Variants in DPP6 observed in about 807,000 individuals in gnomAD.
The protein encoded by DPP6 is A-type potassium channel modulatory protein DPP6.
Under a neutral mutation model 122.6 loss-of-function variants are expected in DPP6, and 69 were observed. That is an observed-to-expected ratio of 0.56 (90% CI 0.46 to 0.69). DPP6 has a LOEUF of 0.69. DPP6 is among the 30% of genes least tolerant of loss of function. The pLI, the probability that DPP6 is intolerant of heterozygous loss-of-function variation, is 0.00. For missense variants in DPP6, 928 were observed against 1,116.9 expected (o/e 0.83, Z 2.41); for synonymous variants, 418 against 433.1 (o/e 0.97, Z 0.43).
intron 5 of DPP6, among the ~76,000 whole-genome samples, chr7:154,567,590 A>C (rs753099385): frequency 6.6e-6 from 1 of 152,174 alleles, no homozygotes; most frequent in Non-Finnish European, 1.5e-5. Context: ...AGTGGAGAGG[A>C]TGTTCAGTTT....
chr7:154,664,240 C>T (rs1201131629), intron 6 of DPP6, among the ~76,000 whole-genome samples: 12 of 145,312 alleles, frequency 8.3e-5, no homozygotes, highest in African/African-American at 2.6e-4. Context: ...CTAGTGTTCA[C>T]GCGATCATGG....
the DPP6 span, among the ~76,000 whole-genome samples, chr7:153,808,165 C>G: frequency 2.0e-5 from 3 of 152,058 alleles, no homozygotes; most frequent in African/African-American, 7.3e-5. Context: ...AGGGACATAC[C>G]CATCCTAACC....
At chr7:154,079,067 G>C (rs574394421) in intron 1 of DPP6, among the ~76,000 whole-genome samples, 1 of 152,018 alleles carries the variant, frequency 6.6e-6, no homozygotes, top group African/African-American at 2.4e-5. Flanking sequence ...GACCATCCTG[G>C]CCAACATGGT....
At chr7:154,797,324 T>A (rs1798105066) in intron 12 of DPP6, among the ~76,000 whole-genome samples, 1 of 152,150 alleles carries the variant, frequency 6.6e-6, no homozygotes, top group African/African-American at 2.4e-5. Flanking sequence ...AGAATATGTA[T>A]GTAGTATATA....
chr7:154,569,026 T>C (rs1046990603), intron 5 of DPP6, among the ~76,000 whole-genome samples: 12 of 152,310 alleles, frequency 7.9e-5, no homozygotes, highest in Admixed American at 5.9e-4. Flanking sequence ...GTGTGTCTTC[T>C]CTCTGAACTC....
rs34345128 is a variant in DPP6, at chr7:153,890,683, C to CTTT, written c.51+2973_51+2975dup. Among the ~76,000 whole-genome samples the CTTT allele has an allele frequency of 1.5e-3, 126 of 82,000 alleles. 13 individuals are homozygous for CTTT. The highest frequency in any genetic ancestry group is 5.6e-3 in the African/African-American group (98 of 17,458). The allele number at this position is 82,000 out of a possible 152,430, so 53.8% of individuals were successfully genotyped here. On this transcript the variant is annotated intron_variant, in intron 1 of 25. Transcript: ENST00000404039. Reference sequence around the variant, plus strand: ...TACCACAGGTGGAATCAGTTTAGAACTTTTTTTTTTTTTTTTTTTTTTTTT... The same window carrying CTTT: ...TACCACAGGTGGAATCAGTTTAGAACTTTTTTTTTTTTTTTTTTTTTTTTTTTT...
At chr7:153,899,866 A>C (rs2128997790) in intron 1 of DPP6, among the ~76,000 whole-genome samples, 1 of 152,364 alleles carries the variant, frequency 6.6e-6, no homozygotes, top group South Asian at 2.1e-4. Flanking sequence ...TTTCTCATTA[A>C]GAGTTGAAGG....
At chr7:154,164,997 T>C (rs1797170255) in intron 1 of DPP6, among the ~76,000 whole-genome samples, 1 of 149,100 alleles carries the variant, frequency 6.7e-6, no homozygotes, top group Admixed American at 6.6e-5. Flanking sequence ...TTTGTACTTT[T>C]TTTTAAAGTT....
chr7:154,853,730 C>A (rs1243104977), intron 16 of DPP6, 50 bp from the exon 17 acceptor site: 2 of 1,603,620 alleles, frequency 1.2e-6, no homozygotes, highest in Non-Finnish European at 1.7e-6. Flanking sequence ...CTCGGCTAAA[C>A]TAATGGCTTC....
chr7:154,378,785 A>G (rs1351003141), intron 1 of DPP6, among the ~76,000 whole-genome samples: 1 of 152,228 alleles, frequency 6.6e-6, no homozygotes, highest in Non-Finnish European at 1.5e-5. Context: ...GGGAAGCCTC[A>G]GGAAACTTAC....
chr7:154,006,396 A>G (rs1652433858), intron 1 of DPP6, among the ~76,000 whole-genome samples: 1 of 151,998 alleles, frequency 6.6e-6, no homozygotes, highest in South Asian at 2.1e-4. Context: ...AGGCAGAAAT[A>G]GATTTCACTC....
chr7:153,778,094 AT>A, the DPP6 span, among the ~76,000 whole-genome samples: 1 of 149,734 alleles, frequency 6.7e-6, no homozygotes, highest in African/African-American at 2.6e-5. Flanking sequence ...ACTCTAGTAA[AT>A]TTATTTCTAA....
At chr7:154,328,875 G>T (rs1808673219) in intron 1 of DPP6, among the ~76,000 whole-genome samples, 1 of 152,138 alleles carries the variant, frequency 6.6e-6, no homozygotes, top group Non-Finnish European at 1.5e-5. Context: ...GAACTGTGTG[G>T]CTTCATGGAC....
At chr7:154,795,711 C>A in intron 11 of DPP6, 134 bp from the exon 12 acceptor site, 3 of 1,294,308 alleles carry the variant, frequency 2.3e-6, no homozygotes, top group Middle Eastern at 1.9e-4. Context: ...GGCAGCTGTG[C>A]AATGCTTGTG....
At chr7:153,991,693 GT>G (rs1797186286) in intron 1 of DPP6, among the ~76,000 whole-genome samples, 1 of 152,190 alleles carries the variant, frequency 6.6e-6, no homozygotes, top group Admixed American at 6.5e-5. Context: ...GCCATCCTGA[GT>G]AATTCACAGT....
intron 7 of DPP6, among the ~76,000 whole-genome samples, chr7:154,672,114 C>T (rs1838604528): frequency 6.6e-6 from 1 of 152,150 alleles, no homozygotes; most frequent in African/African-American, 2.4e-5. Flanking sequence ...CCATGCTCTT[C>T]TAGTGATAGT....
At position 154,029,770 on chromosome 7, in the gene DPP6, C is replaced by T. The variant is rs190542236; in HGVS notation, c.51+142036C>T. Among the ~76,000 whole-genome samples, 220 of 139,394 alleles carry T rather than the reference C, an allele frequency of 1.6e-3. No individual in the cohort carries two copies. The Middle Eastern group carries it at 0.021, about 14-fold the overall frequency. 91.4% of individuals were successfully genotyped at this position (139,394 alleles called of 152,430 possible). A position where few individuals can be genotyped will look rare whatever the true frequency, so the allele number is the denominator to read the frequency against. ...CTGAGGCAGGAGAATGGCGTGAACC[C>T]GGGAGGCAGAGCTTGCAGTGAGCTG... On this transcript the variant is annotated intron_variant, in intron 1 of 25. Transcript: ENST00000404039.
At chr7:154,463,274 C>G (rs1165730659) in intron 2 of DPP6, among the ~76,000 whole-genome samples, 1 of 131,804 alleles carries the variant, frequency 7.6e-6, no homozygotes, top group Non-Finnish European at 1.6e-5. Flanking sequence ...GTGGCACGAT[C>G]TCGACTCACT....
intron 1 of DPP6, among the ~76,000 whole-genome samples, chr7:154,443,966 G>T (rs942129140): frequency 1.3e-5 from 2 of 152,068 alleles, no homozygotes; most frequent in Middle Eastern, 3.2e-3. Context: ...GACTTTCATG[G>T]AAAGCAGAAT....
Sources: allele counts gnomAD v4.1 joint callset (sites outside exome capture counted in the v4.1 genomes callset), GRCh38; gene constraint gnomAD v4.1.1; transcripts MANE v1.5; gene names NCBI Gene and HGNC (gene_info 2026-07-23, HGNC 2026-07-21).